Variants in GALNT16 observed in about 807,000 individuals in gnomAD.
GALNT16 encodes the protein polypeptide N-acetylgalactosaminyltransferase 16.
A neutral mutation model predicts 76.1 loss-of-function variants in GALNT16; 40 were observed. That is an observed-to-expected ratio of 0.53 (90% CI 0.41 to 0.68). The LOEUF is 0.68. Among genes scored for constraint, GALNT16 ranks in the 30% least tolerant of loss-of-function variants. GALNT16 has a pLI of 0.00. For synonymous variants in GALNT16, 276 were observed against 285.2 expected, an observed-to-expected ratio of 0.97 and a Z score of 0.32; for missense variants, 621 against 731.9, an observed-to-expected ratio of 0.85 and a Z score of 1.75.
At chr14:69,273,219 G>A (rs1383917780) in intron 1 of GALNT16, among the ~76,000 whole-genome samples, 3 of 150,888 alleles carry the variant, frequency 2.0e-5, no homozygotes, top group Admixed American at 2.0e-4. Context: ...AGCTCTTGCT[G>A]TGATGAAAAT....
chr14:69,295,211 C>T (rs1365983232), intron 1 of GALNT16, among the ~76,000 whole-genome samples: 6 of 151,864 alleles, frequency 4.0e-5, no homozygotes, highest in African/African-American at 7.3e-5. Flanking sequence ...CTCAGGAGTT[C>T]GAGACCAGCC....
chr14:69,295,414 CAAAAAAA>C (rs34081669), intron 1 of GALNT16, among the ~76,000 whole-genome samples: 1 of 101,754 alleles, frequency 9.8e-6, no homozygotes, highest in African/African-American at 3.7e-5. Flanking sequence ...GACTCTGTCT[CAAAAAAA>C]AAAAAAAAAA....
chr14:69,294,850 C>T (rs1323789862), intron 1 of GALNT16, among the ~76,000 whole-genome samples: 2 of 152,052 alleles, frequency 1.3e-5, no homozygotes, highest in African/African-American at 2.4e-5. Flanking sequence ...TCCCAAGGAG[C>T]GGGGATTTCA....
the GALNT16 span, among the ~76,000 whole-genome samples, chr14:69,384,329 G>A: frequency 3.3e-4 from 50 of 152,280 alleles, no homozygotes; most frequent in East Asian, 5.4e-3. Context: ...GGAGTCTTAT[G>A]AACTAGATTT....
At chr14:69,322,926 GTGTGTGT>G (rs753818974) in intron 2 of GALNT16, among the ~76,000 whole-genome samples, 355 of 27,672 alleles carry the variant, frequency 0.013, 8 homozygotes, top group East Asian at 0.05. Context: ...GGCTCACGGG[GTGTGTGT>G]GTGTGTGTGT....
At chr14:69,299,754 G>A (rs72722143) in intron 1 of GALNT16, among the ~76,000 whole-genome samples, 12,350 of 152,184 alleles carry the variant, frequency 0.081, 688 homozygotes, top group African/African-American at 0.15. Flanking sequence ...TCCAAGAAGC[G>A]TATTGAGGAA....
chr14:69,266,120 T>G (rs2044339850), intron 1 of GALNT16, among the ~76,000 whole-genome samples: 1 of 152,230 alleles, frequency 6.6e-6, no homozygotes, highest in East Asian at 1.9e-4. Context: ...TTCCTTCCCC[T>G]GGAGCATCTT....
chr14:69,305,757 C>G (rs1298283376), intron 1 of GALNT16, among the ~76,000 whole-genome samples: 1 of 151,966 alleles, frequency 6.6e-6, no homozygotes, highest in Non-Finnish European at 1.5e-5. Flanking sequence ...TGTGCAGAAG[C>G]TTTTTTAGTT....
At chr14:69,290,437 G>C (rs1441152588) in intron 1 of GALNT16, among the ~76,000 whole-genome samples, 4 of 152,242 alleles carry the variant, frequency 2.6e-5, no homozygotes, top group Admixed American at 1.3e-4. Flanking sequence ...GCACGGCAGG[G>C]ACAGACTCCC....
chr14:69,342,771 G>T (rs951190589), intron 12 of GALNT16, among the ~76,000 whole-genome samples: 2 of 152,128 alleles, frequency 1.3e-5, no homozygotes, highest in African/African-American at 4.8e-5. Context: ...AAGCTACGAT[G>T]GCCTTTTCAG....
chr14:69,348,120 C>A (rs2045591361), intron 14 of GALNT16, 118 bp downstream of exon 14: 1 of 1,046,882 alleles, frequency 9.6e-7, no homozygotes, highest in South Asian at 1.3e-5. Context: ...GAGCGAGGAT[C>A]TGTGGGGAGG....
intron 2 of GALNT16, 71 bp downstream of exon 2, chr14:69,320,939 TTTA>T: frequency 7.1e-7 from 1 of 1,408,358 alleles, no homozygotes; most frequent in Non-Finnish European, 9.9e-7. Context: ...TTTGTCTTCT[TTTA>T]CGTGTATCTA....
intron 1 of GALNT16, among the ~76,000 whole-genome samples, chr14:69,293,231 C>T (rs180697493): frequency 6.6e-6 from 1 of 152,346 alleles, no homozygotes; most frequent in Admixed American, 6.5e-5. Flanking sequence ...CCTCAGCACG[C>T]TGCCTCACTG....
the GALNT16 span, chr14:69,380,416 A>C: frequency 1.9e-6 from 1 of 528,730 alleles, no homozygotes; most frequent in Non-Finnish European, 3.5e-6. Flanking sequence ...TAATACAGTC[A>C]ATCTTGGCTA....
At chr14:69,331,425 A>G in intron 6 of GALNT16, 39 bp from the exon 7 acceptor site, 2 of 1,148,190 alleles carry the variant, frequency 1.7e-6, no homozygotes, top group Non-Finnish European at 2.6e-6. Context: ...TTCTGCAGAG[A>G]AGTCCCAGGC....
At chr14:69,335,910 C>G (rs1026830947) in intron 9 of GALNT16, among the ~76,000 whole-genome samples, 5 of 152,140 alleles carry the variant, frequency 3.3e-5, no homozygotes, top group African/African-American at 9.7e-5. Context: ...GGATCCCCAA[C>G]AAAGATGTGT....
rs763017905 is a variant in GALNT16, at chr14:69,333,584, G to T, written c.951G>T (p.Trp317Cys). The stretch of plus-strand genomic sequence containing the variant: ...AGTATGATGCCCAGATGGACATCTG[G>T]GGGGGAGAGAATTTTGGTGAGTTGG... ...LGKYDAQMDI[W>C]GGENFELSFR... The change falls in exon 9 of 15, where the codon TGG (tryptophan) becomes TGT (cysteine). Residue 317 changes from tryptophan (W) to cysteine (C), a missense_variant. By Grantham distance (215) the Trp-to-Cys change is radical. Transcript: ENST00000448469. This position sits in a 1 kb window ranked among gnomAD's most constrained non-coding sequence, Gnocchi z 4.2. 22 of 1,570,420 alleles carry T rather than the reference G, an allele frequency of 1.4e-5. No individual in the cohort carries two copies. Among genetic ancestry groups the T allele is most frequent in the African/African-American group, 6.8e-5 (5 of 74,046 alleles).
chr14:69,367,814 C>G, the GALNT16 span, among the ~76,000 whole-genome samples: 1 of 151,884 alleles, frequency 6.6e-6, no homozygotes, highest in East Asian at 1.9e-4. Flanking sequence ...CATAGGGAGA[C>G]CCTGTTTCTA....
At chr14:69,362,325 C>T in the GALNT16 span, among the ~76,000 whole-genome samples, 6 of 152,248 alleles carry the variant, frequency 3.9e-5, no homozygotes, top group African/African-American at 7.2e-5. Context: ...CTTGTTCAGA[C>T]CCGTGTGTAC....
Sources: allele counts gnomAD v4.1 joint callset (sites outside exome capture counted in the v4.1 genomes callset), GRCh38; gene constraint gnomAD v4.1.1; non-coding constraint Gnocchi (gnomAD v3.1); transcripts MANE v1.5; gene names NCBI Gene and HGNC (gene_info 2026-07-23, HGNC 2026-07-21).